The following ARHGAP6 variants were observed in gnomAD, a reference collection of about 807,000 sequenced individuals.
The protein encoded by ARHGAP6 is rho GTPase-activating protein 6.
Under a neutral mutation model 55.7 loss-of-function variants are expected in ARHGAP6, and 16 were observed. The observed-to-expected ratio is 0.29, with a 90% CI of 0.19 to 0.44. The LOEUF is 0.44. Ranked by LOEUF, ARHGAP6 falls within the 20% of genes least tolerant of loss-of-function variation. ARHGAP6 has a pLI of 1.00. For synonymous variants in ARHGAP6, 382 were observed against 360.9 expected (o/e 1.06, Z -0.66); for missense variants, 698 against 808.9 (o/e 0.86, Z 1.66).
At chrX:11,193,327 A>G (rs1393375437) in intron 3 of ARHGAP6, among the ~76,000 whole-genome samples, 2 of 112,607 alleles carry the variant, frequency 1.8e-5, no homozygotes, top group Non-Finnish European at 3.7e-5. Flanking sequence ...GATTCAAATG[A>G]TCGTTTTTCA....
intron 1 of ARHGAP6, among the ~76,000 whole-genome samples, chrX:11,468,244 A>G (rs1017904456): frequency 1.3e-4 from 14 of 111,734 alleles, no homozygotes; most frequent in Admixed American, 7.6e-4. Flanking sequence ...TTTTGTGTGT[A>G]TACATTTCAA....
chrX:11,323,866 CAAAAAAAAAA>C (rs61462099), intron 1 of ARHGAP6, among the ~76,000 whole-genome samples: 3 of 40,299 alleles, frequency 7.4e-5, no homozygotes, highest in South Asian at 1.8e-3. Flanking sequence ...ACCCCCATTT[CAAAAAAAAAA>C]AAAAAAAAAA....
At chrX:11,389,584 C>T (rs940874660) in intron 1 of ARHGAP6, among the ~76,000 whole-genome samples, 2 of 112,028 alleles carry the variant, frequency 1.8e-5, no homozygotes, top group African/African-American at 3.2e-5. Flanking sequence ...TCTGAGCATG[C>T]GTTATCATCA....
chrX:11,350,184 C>G (rs889364599), intron 1 of ARHGAP6, among the ~76,000 whole-genome samples: 2 of 111,555 alleles, frequency 1.8e-5, no homozygotes, highest in African/African-American at 6.5e-5. Flanking sequence ...TTCAAATGGA[C>G]CTGCCACTCC....
intron 2 of ARHGAP6, among the ~76,000 whole-genome samples, chrX:11,241,368 T>A (rs1007183800): frequency 9.9e-5 from 11 of 111,109 alleles, no homozygotes; most frequent in African/African-American, 3.3e-4. Context: ...GTGAAAAAGA[T>A]GAGAAAATTG....
intron 8 of ARHGAP6, among the ~76,000 whole-genome samples, chrX:11,174,446 G>A (rs1268540135): frequency 9.0e-6 from 1 of 110,974 alleles, no homozygotes; most frequent in Admixed American, 9.6e-5. Context: ...AGCAATAGTC[G>A]TTGGTTTACA....
At chrX:11,590,337 A>G (rs1456202005) in intron 1 of ARHGAP6, among the ~76,000 whole-genome samples, 1 of 111,575 alleles carries the variant, frequency 9.0e-6, no homozygotes, top group African/African-American at 3.3e-5. Flanking sequence ...ATCATCTCCA[A>G]TAATACATAT....
At chrX:11,547,103 C>A (rs935671678) in intron 1 of ARHGAP6, among the ~76,000 whole-genome samples, 2 of 112,144 alleles carry the variant, frequency 1.8e-5, no homozygotes, top group African/African-American at 6.5e-5. Context: ...CATATGATGG[C>A]ATGTAGGTAG....
intron 2 of ARHGAP6, among the ~76,000 whole-genome samples, chrX:11,249,206 G>A (rs1294706965): frequency 9.0e-6 from 1 of 111,560 alleles, no homozygotes; most frequent in African/African-American, 3.3e-5. Context: ...TCACTAATAG[G>A]TGGGAGCTAA....
intron 9 of ARHGAP6, among the ~76,000 whole-genome samples, chrX:11,162,059 T>C (rs930866543): frequency 9.0e-6 from 1 of 111,368 alleles, no homozygotes; most frequent in East Asian, 2.8e-4. Context: ...TGAAACAGGC[T>C]CAGAAATTTG....
At chrX:11,335,973 C>T (rs2048632754) in intron 1 of ARHGAP6, 1 of 119,014 alleles carries the variant, frequency 8.4e-6, no homozygotes, top group Non-Finnish European at 1.7e-5. Context: ...GGTGCAGAAC[C>T]AGGGGGCATG....
chrX:11,351,185 T>G (rs372926953), intron 1 of ARHGAP6, among the ~76,000 whole-genome samples: 1 of 110,526 alleles, frequency 9.0e-6, no homozygotes, highest in Non-Finnish European at 1.9e-5. Flanking sequence ...TTTATTTACA[T>G]AAAAATGATG....
intron 1 of ARHGAP6, among the ~76,000 whole-genome samples, chrX:11,414,517 A>G (rs1356872375): frequency 2.7e-5 from 3 of 109,334 alleles, no homozygotes; most frequent in Non-Finnish European, 5.7e-5. Flanking sequence ...TATGGCAGAC[A>G]GTCTACTAGA....
intron 1 of ARHGAP6, among the ~76,000 whole-genome samples, chrX:11,641,173 T>A (rs910244910): frequency 1.8e-5 from 2 of 111,393 alleles, no homozygotes; most frequent in Non-Finnish European, 3.8e-5. Flanking sequence ...ATATTCTGCC[T>A]CAGGAGAAAC....
intron 1 of ARHGAP6, among the ~76,000 whole-genome samples, chrX:11,474,725 G>A (rs2050385899): frequency 9.0e-6 from 1 of 111,435 alleles, no homozygotes; most frequent in South Asian, 3.8e-4. Flanking sequence ...TCAGTGTGGT[G>A]GTGTTGGGAG....
intron 1 of ARHGAP6, among the ~76,000 whole-genome samples, chrX:11,354,293 CTT>C (rs1403407789): frequency 6.9e-3 from 440 of 64,076 alleles, no homozygotes; most frequent in Middle Eastern, 0.017. Flanking sequence ...CTCTCTCTCT[CTT>C]TCTCTCTCTC....
chrX:11,192,478 T>C (rs1457424185), intron 3 of ARHGAP6, among the ~76,000 whole-genome samples: 1 of 111,994 alleles, frequency 8.9e-6, no homozygotes, highest in Non-Finnish European at 1.9e-5. Context: ...CTTTCTTCTC[T>C]TCTTATCCTA....
intron 1 of ARHGAP6, among the ~76,000 whole-genome samples, chrX:11,400,868 A>G (rs1466806316): frequency 8.9e-6 from 1 of 112,153 alleles, no homozygotes; most frequent in Non-Finnish European, 1.9e-5. Flanking sequence ...CTAGTCATGT[A>G]AATAGAATTA....
chrX:11,570,654 G>A (rs1348962252), intron 1 of ARHGAP6, among the ~76,000 whole-genome samples: 1 of 111,439 alleles, frequency 9.0e-6, no homozygotes, highest in African/African-American at 3.3e-5. Flanking sequence ...ACTTGATCCA[G>A]ATCTGTTTAC....
Sources: gnomAD v4.1 joint callset for allele counts (sites outside exome capture counted in the v4.1 genomes callset) on GRCh38, gnomAD v4.1.1 for gene constraint, MANE v1.5 for transcripts, NCBI Gene and HGNC (gene_info 2026-07-23, HGNC 2026-07-21) for gene names.